TIPRL: variants seen among roughly 807,000 people sequenced by gnomAD.
The protein encoded by TIPRL is TOR signaling pathway regulator.
A neutral mutation model predicts 32.3 loss-of-function variants in TIPRL; 10 were observed. The observed-to-expected ratio is 0.31, with a 90% confidence interval of 0.19 to 0.52. TIPRL has a LOEUF of 0.52. TIPRL is among the 20% of genes least tolerant of loss of function. TIPRL has a pLI of 0.96. For missense variants in TIPRL, 250 were observed against 328.1 expected, an observed-to-expected ratio of 0.76 and a Z score of 1.84; for synonymous variants, 100 against 114.0, an observed-to-expected ratio of 0.88 and a Z score of 0.78.
chr1:168,193,875 T>C (rs996622652), intron 4 of TIPRL, among the ~76,000 whole-genome samples: 1 of 152,210 alleles, frequency 6.6e-6, no homozygotes, highest in African/African-American at 2.4e-5. Flanking sequence ...ATAAAATATA[T>C]TTTAATACTT....
chr1:168,196,445 C>A, intron 4 of TIPRL, 102 bp from the exon 5 acceptor site: 1 of 709,342 alleles, frequency 1.4e-6, no homozygotes, highest in Non-Finnish European at 2.1e-6. Context: ...AGCCTTATTC[C>A]AGGGTTTTTT....
At chr1:168,199,067 C>A in intron 6 of TIPRL, 86 bp downstream of exon 6, 1 of 990,722 alleles carries the variant, frequency 1.0e-6, no homozygotes, top group Non-Finnish European at 1.6e-6. Context: ...CCCAACCACC[C>A]AAGTTTACAT....
intron 1 of TIPRL, among the ~76,000 whole-genome samples, chr1:168,183,016 A>G (rs537479854): frequency 6.6e-6 from 1 of 152,340 alleles, no homozygotes; most frequent in Non-Finnish European, 1.5e-5. Flanking sequence ...CTGCACCTCA[A>G]AGTTAGATCA....
intron 1 of TIPRL, among the ~76,000 whole-genome samples, chr1:168,181,853 G>T (rs1699970810): frequency 6.6e-6 from 1 of 151,432 alleles, no homozygotes. Flanking sequence ...CTGAGGTCAG[G>T]AGTTCAAGAC....
At chr1:168,189,929 T>A (rs1020210372) in intron 3 of TIPRL, among the ~76,000 whole-genome samples, 4 of 152,226 alleles carry the variant, frequency 2.6e-5, no homozygotes, top group African/African-American at 9.7e-5. Context: ...ATGTGAAACA[T>A]TAATGAAGCA....
At position 168,199,059 on chromosome 1, in the gene TIPRL, C is replaced by G. The variant is rs1449858915; in HGVS notation, c.675+78C>G. 4 of 1,097,312 alleles carry G rather than the reference C, an allele frequency of 3.6e-6. No homozygotes were observed. In the African/African-American group the frequency reaches 6.3e-5, roughly 17 times the overall value. 68.0% of individuals were successfully genotyped at this position (1,097,312 alleles called of 1,614,324 possible). A position where few individuals can be genotyped will look rare whatever the true frequency, so the allele number is the denominator to read the frequency against. ...TTTAAGTAGCATATACCCCTGACCCCAACCACCCAAGTTTACATCCCTAAA... is the reference window on the plus strand; with the variant it reads ...TTTAAGTAGCATATACCCCTGACCCGAACCACCCAAGTTTACATCCCTAAA... On this transcript the variant is annotated intron_variant, in intron 6 of 6. Transcript: ENST00000367833.
intron 5 of TIPRL, 90 bp from the exon 6 acceptor site, chr1:168,198,829 T>C: frequency 2.7e-6 from 3 of 1,119,070 alleles, no homozygotes; most frequent in Non-Finnish European, 3.9e-6. Context: ...TGACAACCTA[T>C]CCTAAAATGT....
At chr1:168,192,101 A>G in intron 4 of TIPRL, 1 of 1,228,082 alleles carries the variant, frequency 8.1e-7, no homozygotes. Flanking sequence ...TTTTGGATTA[A>G]AAATGATGTT....
intron 3 of TIPRL, among the ~76,000 whole-genome samples, chr1:168,185,555 G>A (rs559442721): frequency 7.7e-4 from 117 of 151,418 alleles, no homozygotes; most frequent in Middle Eastern, 3.4e-3. Context: ...GGCAGATCAC[G>A]AGGTCAGGAG....
chr1:168,193,407 G>A (rs1375519783), intron 4 of TIPRL, among the ~76,000 whole-genome samples: 1 of 152,036 alleles, frequency 6.6e-6, no homozygotes, highest in Non-Finnish European at 1.5e-5. Flanking sequence ...TTAGATAGTT[G>A]TTTTCATAGG....
chr1:168,190,247 G>C (rs1034431846), intron 3 of TIPRL, among the ~76,000 whole-genome samples: 1 of 152,056 alleles, frequency 6.6e-6, no homozygotes, highest in Admixed American at 6.6e-5. Flanking sequence ...TACCTGCTCC[G>C]TACACAGTTG....
intron 3 of TIPRL, among the ~76,000 whole-genome samples, chr1:168,190,475 AT>A (rs1700083034): frequency 6.6e-6 from 1 of 152,184 alleles, no homozygotes; most frequent in Non-Finnish European, 1.5e-5. Context: ...TTATCTAGTT[AT>A]CTCAAATTAC....
chr1:168,180,820 C>CTTTTTTTTTTTT (rs71118909), intron 1 of TIPRL, among the ~76,000 whole-genome samples: 7 of 124,166 alleles, frequency 5.6e-5, no homozygotes, highest in East Asian at 2.4e-4. Flanking sequence ...TTTTTTATAA[C>CTTTTTTTTTTTT]TTTTTTTTTT....
intron 2 of TIPRL, among the ~76,000 whole-genome samples, chr1:168,184,443 A>G (rs1420908197): frequency 6.6e-6 from 1 of 152,234 alleles, no homozygotes; most frequent in Non-Finnish European, 1.5e-5. Context: ...AAGCATTGAA[A>G]TTAAGACAAC....
intron 1 of TIPRL, among the ~76,000 whole-genome samples, chr1:168,183,631 T>C (rs1157305581): frequency 6.6e-6 from 1 of 152,166 alleles, no homozygotes. Context: ...TAGTAATATC[T>C]GTGTGCTATA....
intron 4 of TIPRL, among the ~76,000 whole-genome samples, chr1:168,194,926 C>T (rs905885985): frequency 3.9e-5 from 6 of 152,170 alleles, no homozygotes; most frequent in African/African-American, 7.2e-5. Flanking sequence ...TCCGTTAATT[C>T]GTAATGGAGT....
Position 168,184,878 on chromosome 1 carries a change from G to C in TIPRL, c.384G>C (p.Lys128Asn). 1 of 1,584,914 alleles carries C rather than the reference G, an allele frequency of 6.3e-7. No individual in the cohort carries two copies. Among genetic ancestry groups the C allele is most frequent in the Non-Finnish European group, 8.7e-7 (1 of 1,155,946 alleles). Residue 128 changes from lysine to asparagine, a missense_variant and splice_region_variant, in exon 3 of 7, where the codon AAG becomes AAC. Physicochemically the swap from Lys to Asn is moderately conservative, Grantham distance 94. Coordinates refer to ENST00000367833, the MANE Select transcript of TIPRL (RefSeq NM_152902.5). Reference sequence around the variant, plus strand: ...TACTTGGAGAATCTCTTAAGTTAAAGGTAAATCTTACTTTTTTCTTTCATG... The same window carrying C: ...TACTTGGAGAATCTCTTAAGTTAAACGTAAATCTTACTTTTTTCTTTCATG... ...GTLLGESLKL[K>N]VVPTTDHIDT...
intron 1 of TIPRL, among the ~76,000 whole-genome samples, chr1:168,181,643 A>G (rs1486155575): frequency 6.6e-6 from 1 of 151,886 alleles, no homozygotes; most frequent in Non-Finnish European, 1.5e-5. Context: ...TAAAGCAGTC[A>G]GCTTCAAACT....
chr1:168,193,488 A>T (rs1700122436), intron 4 of TIPRL, among the ~76,000 whole-genome samples: 1 of 152,076 alleles, frequency 6.6e-6, no homozygotes, highest in African/African-American at 2.4e-5. Context: ...TCTTCAGTTC[A>T]CCTAGTCTTG....
Sources: gnomAD v4.1 joint callset for allele counts (sites outside exome capture counted in the v4.1 genomes callset) on GRCh38, gnomAD v4.1.1 for gene constraint, MANE v1.5 for transcripts, NCBI Gene and HGNC (gene_info 2026-07-23, HGNC 2026-07-21) for gene names.